Variants in CNTNAP2 observed in about 807,000 individuals in gnomAD.
CNTNAP2 encodes contactin associated protein 2.
In CNTNAP2, 98 loss-of-function variants were observed where a neutral mutation model predicts 155.2. The ratio of observed to expected loss-of-function variants is 0.63; its 90% CI spans 0.54 to 0.75. CNTNAP2 has a LOEUF of 0.75. Ranked by LOEUF, CNTNAP2 falls within the 30% of genes least tolerant of loss-of-function variation. The pLI is 0.00. For missense variants in CNTNAP2, 1,727 were observed against 1,688.1 expected, an observed-to-expected ratio of 1.02 and a Z score of -0.40; for synonymous variants, 651 against 631.2, an observed-to-expected ratio of 1.03 and a Z score of -0.47.
chr7:146,215,854 T>C (rs1171726946), intron 1 of CNTNAP2, among the ~76,000 whole-genome samples: 1 of 152,190 alleles, frequency 6.6e-6, no homozygotes, highest in African/African-American at 2.4e-5. Flanking sequence ...GCATTTGCTT[T>C]GATAAATAAT....
intron 1 of CNTNAP2, among the ~76,000 whole-genome samples, chr7:146,309,852 G>GGAAGGAAGGAAA (rs1800788879): frequency 1.4e-5 from 2 of 142,308 alleles, no homozygotes; most frequent in African/African-American, 5.3e-5. Context: ...AAGGAAGGAA[G>GGAAGGAAGGAAA]GAAAGAAAGA....
chr7:146,464,117 A>C, intron 1 of CNTNAP2, among the ~76,000 whole-genome samples: 1 of 152,064 alleles, frequency 6.6e-6, no homozygotes, highest in African/African-American at 2.4e-5. Flanking sequence ...TTTGACCACA[A>C]AAAACAGTTC....
intron 8 of CNTNAP2, among the ~76,000 whole-genome samples, chr7:147,229,628 C>T (rs544435186): frequency 6.1e-4 from 93 of 152,228 alleles, no homozygotes; most frequent in Non-Finnish European, 1.1e-3. Flanking sequence ...CAATTGAGAA[C>T]AATGTTTTAC....
intron 13 of CNTNAP2, among the ~76,000 whole-genome samples, chr7:147,775,415 TTA>T (rs1180644766): frequency 9.3e-6 from 1 of 107,518 alleles, no homozygotes; most frequent in African/African-American, 3.4e-5. Context: ...ATATATATAT[TTA>T]TATATATATA....
intron 1 of CNTNAP2, among the ~76,000 whole-genome samples, chr7:146,561,982 G>A (rs551487867): frequency 6.6e-6 from 1 of 152,044 alleles, no homozygotes; most frequent in South Asian, 2.1e-4. Flanking sequence ...TAGAGATGGG[G>A]TTTCACAATG....
intron 10 of CNTNAP2, among the ~76,000 whole-genome samples, chr7:147,451,675 C>T (rs13244497): frequency 0.19 from 28,117 of 151,620 alleles, 3,125 homozygotes; most frequent in Non-Finnish European, 0.25. Flanking sequence ...CTTGCCTATC[C>T]CCACCCAACT....
intron 3 of CNTNAP2, among the ~76,000 whole-genome samples, chr7:147,033,556 A>G (rs1052502369): frequency 6.6e-6 from 1 of 152,066 alleles, no homozygotes; most frequent in African/African-American, 2.4e-5. Context: ...ATGGTAATAG[A>G]ACTGGTTTTT....
At position 147,738,639 on chromosome 7, in the gene CNTNAP2, T is replaced by A. The variant is rs890083772; in HGVS notation, c.2098+99333T>A. Among the ~76,000 whole-genome samples the A allele has an allele frequency of 2.5e-4, 36 of 146,422 alleles. 1 individual carries two copies. The highest frequency in any genetic ancestry group is 4.9e-4 in the Non-Finnish European group (33 of 67,482). On this transcript the variant is annotated intron_variant, in intron 13 of 23. Coordinates refer to ENST00000361727, the MANE Select transcript of CNTNAP2 (RefSeq NM_014141.6). The stretch of plus-strand genomic sequence containing the variant: ...TGCACACTAACTAGACACAGTATAA[T>A]GTAAACATAACTTTTTTTTTTTATT...
intron 16 of CNTNAP2, among the ~76,000 whole-genome samples, chr7:148,135,377 T>C (rs1432624721): frequency 1.3e-5 from 2 of 152,224 alleles, no homozygotes; most frequent in African/African-American, 4.8e-5. Context: ...CCCTTGCTGT[T>C]GGGCTTAACT....
intron 1 of CNTNAP2, among the ~76,000 whole-genome samples, chr7:146,705,471 C>G (rs1486897971): frequency 3.9e-5 from 6 of 152,182 alleles, no homozygotes; most frequent in African/African-American, 1.4e-4. Context: ...TGAGAAGTCT[C>G]TACCCTTATG....
At chr7:148,330,165 G>C (rs916374263) in intron 21 of CNTNAP2, among the ~76,000 whole-genome samples, 4 of 149,946 alleles carry the variant, frequency 2.7e-5, no homozygotes, top group African/African-American at 9.9e-5. Context: ...GATGGATGGA[G>C]TGGACGGATG....
At position 147,833,319 on chromosome 7, in the gene CNTNAP2, G is replaced by A. The variant is rs528663875; in HGVS notation, c.2099-70246G>A. On this transcript the variant is annotated intron_variant, in intron 13 of 23. Coordinates refer to ENST00000361727, the MANE Select transcript of CNTNAP2 (RefSeq NM_014141.6). ...CTTGGTTCCATAATTAAGGAGCTGC[G>A]TGATCTTGAGCAAGTCACTTAATCT... Among the ~76,000 whole-genome samples, 9 of 152,170 alleles carry A rather than the reference G, an allele frequency of 5.9e-5. No individual in the cohort carries two copies. The East Asian group carries it at 1.2e-3, about 20-fold the overall frequency.
intron 3 of CNTNAP2, among the ~76,000 whole-genome samples, chr7:146,884,170 A>C (rs1795609313): frequency 6.6e-6 from 1 of 152,116 alleles, no homozygotes. Context: ...AGCTCTGTGA[A>C]ATCCAGGTAT....
intron 1 of CNTNAP2, among the ~76,000 whole-genome samples, chr7:146,299,753 G>A (rs1800575280): frequency 6.6e-6 from 1 of 152,046 alleles, no homozygotes; most frequent in Non-Finnish European, 1.5e-5. Flanking sequence ...TACGACTTAT[G>A]TGAAACCTTC....
At chr7:148,034,895 C>T (rs1470163320) in intron 15 of CNTNAP2, among the ~76,000 whole-genome samples, 1 of 152,124 alleles carries the variant, frequency 6.6e-6, no homozygotes, top group Non-Finnish European at 1.5e-5. Context: ...AAGTCTCAGA[C>T]AGAAATGAGG....
At chr7:146,259,325 A>G (rs182701284) in intron 1 of CNTNAP2, among the ~76,000 whole-genome samples, 1 of 152,282 alleles carries the variant, frequency 6.6e-6, no homozygotes, top group East Asian at 1.9e-4. Context: ...AAAATGTGGA[A>G]GTAACTTTGG....
intron 13 of CNTNAP2, among the ~76,000 whole-genome samples, chr7:147,887,209 C>T (rs60467763): frequency 0.14 from 21,530 of 152,194 alleles, 1,634 homozygotes; most frequent in African/African-American, 0.2. Flanking sequence ...TGGTGGCTCA[C>T]GCCTGTAATC....
chr7:148,339,182 A>G (rs925517092), intron 21 of CNTNAP2, among the ~76,000 whole-genome samples: 2 of 151,992 alleles, frequency 1.3e-5, no homozygotes, highest in African/African-American at 4.8e-5. Flanking sequence ...CCGGGCTCTC[A>G]GAGCCCTCCT....
At chr7:147,308,253 A>C (rs537685357) in intron 9 of CNTNAP2, among the ~76,000 whole-genome samples, 2 of 152,160 alleles carry the variant, frequency 1.3e-5, no homozygotes, top group Admixed American at 6.5e-5. Flanking sequence ...TGTGGCTGAG[A>C]AAAGGTGAGG....
Sources: allele counts gnomAD v4.1 joint callset (sites outside exome capture counted in the v4.1 genomes callset), GRCh38; gene constraint gnomAD v4.1.1; transcripts MANE v1.5; gene names NCBI Gene and HGNC (gene_info 2026-07-23, HGNC 2026-07-21).